SPAG16: variants seen among roughly 807,000 people sequenced by gnomAD.
SPAG16 encodes the protein sperm associated antigen 16.
A neutral mutation model predicts 80.4 loss-of-function variants in SPAG16; 86 were observed. The ratio of observed to expected loss-of-function variants is 1.07; its 90% CI spans 0.90 to 1.28. The LOEUF (loss-of-function observed/expected upper bound fraction) is 1.28. Among genes scored for constraint, SPAG16 ranks in the 50% most tolerant of loss-of-function variants. SPAG16 has a pLI of 0.00. For missense variants in SPAG16, 870 were observed against 765.3 expected, an observed-to-expected ratio of 1.14 and a Z score of -1.61; for synonymous variants, 294 against 265.9, an observed-to-expected ratio of 1.11 and a Z score of -1.03.
chr2:213,955,853 C>T (rs1428373361), intron 12 of SPAG16, among the ~76,000 whole-genome samples: 1 of 151,894 alleles, frequency 6.6e-6, no homozygotes, highest in African/African-American at 2.4e-5. Flanking sequence ...ATTTTCATTT[C>T]TGATTTTAGT....
intron 10 of SPAG16, among the ~76,000 whole-genome samples, chr2:213,804,556 G>A (rs1411492158): frequency 1.3e-5 from 2 of 152,128 alleles, no homozygotes; most frequent in Non-Finnish European, 2.9e-5. Flanking sequence ...GGTGGCAGGC[G>A]CCTGTAGTCC....
chr2:213,421,450 G>T (rs1360923381), intron 9 of SPAG16, among the ~76,000 whole-genome samples: 2 of 152,240 alleles, frequency 1.3e-5, no homozygotes, highest in African/African-American at 4.8e-5. Flanking sequence ...CCTGGGTGCT[G>T]TGGATGACAT....
At chr2:213,755,809 T>A (rs2068298548) in intron 10 of SPAG16, among the ~76,000 whole-genome samples, 1 of 152,218 alleles carries the variant, frequency 6.6e-6, no homozygotes, top group African/African-American at 2.4e-5. Context: ...ATGAGATATG[T>A]AACTAATAGA....
intron 11 of SPAG16, among the ~76,000 whole-genome samples, chr2:213,910,127 AATAC>A (rs2077600543): frequency 6.6e-6 from 1 of 152,236 alleles, no homozygotes; most frequent in Non-Finnish European, 1.5e-5. Flanking sequence ...GCATGAAATT[AATAC>A]ATACATATTC....
intron 10 of SPAG16, among the ~76,000 whole-genome samples, chr2:213,556,910 T>C (rs944972391): frequency 6.6e-6 from 1 of 152,160 alleles, no homozygotes; most frequent in Admixed American, 6.6e-5. Context: ...TTTGAAGATG[T>C]TCTTTCTTCA....
chr2:213,476,480 A>G (rs1043786946), intron 9 of SPAG16, among the ~76,000 whole-genome samples: 2 of 152,226 alleles, frequency 1.3e-5, no homozygotes, highest in Non-Finnish European at 2.9e-5. Flanking sequence ...TCTGAATCTT[A>G]TAGACCAGCA....
chr2:213,909,005 ATGAG>A (rs2077545574), intron 11 of SPAG16, among the ~76,000 whole-genome samples: 1 of 149,428 alleles, frequency 6.7e-6, no homozygotes. Context: ...ATTCCCATCT[ATGAG>A]TGAGAACATG....
chr2:213,502,759 G>A (rs1216444896), intron 10 of SPAG16, among the ~76,000 whole-genome samples: 8 of 152,220 alleles, frequency 5.3e-5, no homozygotes. Flanking sequence ...TTACAGAGGA[G>A]TATATAGCAG....
intron 10 of SPAG16, among the ~76,000 whole-genome samples, chr2:213,687,450 T>G (rs1319402969): frequency 6.6e-6 from 1 of 152,230 alleles, no homozygotes; most frequent in Non-Finnish European, 1.5e-5. Context: ...GTGTGGGGTT[T>G]GCTGGTGAAA....
In SPAG16 at chr2:213,563,595, A is replaced by G. The variant is rs184942950; in HGVS notation, c.1070+73505A>G. Among the ~76,000 whole-genome samples, 11 of 152,266 alleles carry G rather than the reference A, an allele frequency of 7.2e-5. 1 individual carries two copies. The highest frequency in any genetic ancestry group is 2.6e-4 in the African/African-American group (11 of 41,556). ...CTCTTCTTAAAAGGCCACCAATCCT[A>G]TTGGTTCAGGACCCCATCCTTATGA... On this transcript the variant is annotated intron_variant, in intron 10 of 15. Coordinates refer to ENST00000331683, the MANE Select transcript of SPAG16 (RefSeq NM_024532.5).
At chr2:214,382,366 A>G (rs1422884061) in intron 15 of SPAG16, among the ~76,000 whole-genome samples, 1 of 152,222 alleles carries the variant, frequency 6.6e-6, no homozygotes. Flanking sequence ...AAACTACAAC[A>G]TATTTGTTGC....
At chr2:213,913,585 GTA>G (rs1390193137) in intron 11 of SPAG16, among the ~76,000 whole-genome samples, 110 of 8,472 alleles carry the variant, frequency 0.013, 2 homozygotes, top group Middle Eastern at 0.056. Flanking sequence ...ATATGTACAT[GTA>G]CATATATGTA....
intron 10 of SPAG16, among the ~76,000 whole-genome samples, chr2:213,640,314 G>C (rs1184641431): frequency 2.0e-5 from 3 of 152,148 alleles, no homozygotes. Context: ...AGGTGTTATA[G>C]AACCTTGTTT....
intron 15 of SPAG16, among the ~76,000 whole-genome samples, chr2:214,296,747 C>T (rs1694163119): frequency 6.6e-6 from 1 of 152,112 alleles, no homozygotes; most frequent in African/African-American, 2.4e-5. Flanking sequence ...TGTATGTCCC[C>T]TCTAAATTTC....
chr2:214,379,085 G>GTGAAT (rs1418064658), intron 15 of SPAG16, among the ~76,000 whole-genome samples: 1 of 152,202 alleles, frequency 6.6e-6, no homozygotes, highest in Non-Finnish European at 1.5e-5. Context: ...ATAGCCTCTT[G>GTGAAT]TGAATTATCC....
chr2:213,290,184 A>G (rs944995102), intron 1 of SPAG16, among the ~76,000 whole-genome samples: 6 of 152,344 alleles, frequency 3.9e-5, no homozygotes, highest in African/African-American at 1.4e-4. Flanking sequence ...TGCAGAAACT[A>G]TGAGATAGTT....
intron 10 of SPAG16, among the ~76,000 whole-genome samples, chr2:213,844,164 T>C (rs1319859415): frequency 6.6e-6 from 1 of 152,196 alleles, no homozygotes; most frequent in African/African-American, 2.4e-5. Flanking sequence ...AAAGGTTTTC[T>C]ACTTCACTTG....
At chr2:213,818,607 A>G (rs1389539109) in intron 10 of SPAG16, among the ~76,000 whole-genome samples, 1 of 151,356 alleles carries the variant, frequency 6.6e-6, no homozygotes, top group Non-Finnish European at 1.5e-5. Context: ...GATGGTGAAA[A>G]GGAAGCATTC....
chr2:214,233,040 C>CT (rs917413301), intron 15 of SPAG16, among the ~76,000 whole-genome samples: 1 of 151,924 alleles, frequency 6.6e-6, no homozygotes, highest in East Asian at 1.9e-4. Flanking sequence ...TCCTATGATT[C>CT]TTTTTTATAA....
Sources: gnomAD v4.1 joint callset for allele counts (sites outside exome capture counted in the v4.1 genomes callset) on GRCh38, gnomAD v4.1.1 for gene constraint, MANE v1.5 for transcripts, NCBI Gene and HGNC (gene_info 2026-07-23, HGNC 2026-07-21) for gene names.